Variants in MPDZ observed in about 807,000 individuals in gnomAD.
The protein encoded by MPDZ is multiple PDZ domain crumbs cell polarity complex component.
Under a neutral mutation model 239.1 loss-of-function variants are expected in MPDZ, and 234 were observed. That is an observed-to-expected ratio of 0.98 (90% CI 0.88 to 1.09). The LOEUF (loss-of-function observed/expected upper bound fraction) is 1.09. MPDZ is among the 50% of genes least tolerant of loss of function. The pLI, the probability that MPDZ is intolerant of heterozygous loss-of-function variation, is 0.00. For missense variants in MPDZ, 3,175 were observed against 2,510.0 expected, an observed-to-expected ratio of 1.26 and a Z score of -5.66; for synonymous variants, 1,048 against 881.3, an observed-to-expected ratio of 1.19 and a Z score of -3.35.
intron 13 of MPDZ, among the ~76,000 whole-genome samples, chr9:13,194,128 TTA>T (rs1397391711): frequency 5.3e-5 from 8 of 152,154 alleles, no homozygotes; most frequent in African/African-American, 1.9e-4. Context: ...ACTACTTCCC[TTA>T]TGATTTCATT....
chr9:13,133,486 G>A (rs1213573944), intron 32 of MPDZ, among the ~76,000 whole-genome samples: 1 of 152,136 alleles, frequency 6.6e-6, no homozygotes, highest in African/African-American at 2.4e-5. Context: ...CTCCGTAGCA[G>A]GACCTTAGTG....
chr9:13,237,227 G>C (rs1176685856), intron 3 of MPDZ, among the ~76,000 whole-genome samples: 1 of 151,732 alleles, frequency 6.6e-6, no homozygotes, highest in Non-Finnish European at 1.5e-5. Flanking sequence ...CAGATTGCTT[G>C]AGTCCAGGAG....
At chr9:13,279,113 G>A (rs10960999) in intron 1 of MPDZ, 7,012 of 151,850 alleles carry the variant, frequency 0.046, 351 homozygotes, top group East Asian at 0.18. Flanking sequence ...GGGGGGAGTG[G>A]AGACTTGCGA....
At chr9:13,146,525 T>C (rs1166835954) in intron 26 of MPDZ, among the ~76,000 whole-genome samples, 1 of 152,078 alleles carries the variant, frequency 6.6e-6, no homozygotes, top group Non-Finnish European at 1.5e-5. Flanking sequence ...CTCACATATG[T>C]TGATATTTTT....
chr9:13,123,620 C>A (rs1173258156), intron 35 of MPDZ, among the ~76,000 whole-genome samples: 2 of 152,042 alleles, frequency 1.3e-5, no homozygotes, highest in Non-Finnish European at 2.9e-5. Context: ...TTAAATTGAA[C>A]CTCAAGTTTC....
chr9:13,133,757 C>A, intron 32 of MPDZ, 67 bp downstream of exon 32: 3 of 1,140,040 alleles, frequency 2.6e-6, no homozygotes, highest in Non-Finnish European at 3.9e-6. Flanking sequence ...CTTTTGAGAA[C>A]ACAGTGAATT....
chr9:13,194,151 C>A (rs915275119), intron 13 of MPDZ, among the ~76,000 whole-genome samples: 1 of 152,104 alleles, frequency 6.6e-6, no homozygotes, highest in Non-Finnish European at 1.5e-5. Context: ...TATGCTGTAT[C>A]GCTACATAGC....
chr9:13,226,579 G>A (rs1960683675), intron 3 of MPDZ, among the ~76,000 whole-genome samples: 1 of 151,954 alleles, frequency 6.6e-6, no homozygotes, highest in African/African-American at 2.4e-5. Context: ...ATTCAGGTGT[G>A]CCTAATCTCA....
At chr9:13,229,976 G>A (rs2136675644) in intron 3 of MPDZ, among the ~76,000 whole-genome samples, 1 of 151,642 alleles carries the variant, frequency 6.6e-6, no homozygotes, top group Non-Finnish European at 1.5e-5. Flanking sequence ...AATATATAAA[G>A]AAAACTCAAA....
intron 13 of MPDZ, among the ~76,000 whole-genome samples, chr9:13,194,789 A>G (rs1011088654): frequency 2.6e-5 from 4 of 152,084 alleles, no homozygotes; most frequent in African/African-American, 9.7e-5. Flanking sequence ...TCATTATTCA[A>G]TTACCACCCG....
intron 3 of MPDZ, among the ~76,000 whole-genome samples, chr9:13,240,759 T>C (rs1165671096): frequency 6.6e-6 from 1 of 151,974 alleles, no homozygotes; most frequent in African/African-American, 2.4e-5. Context: ...ATGGACTAGT[T>C]AAATGAGGCA....
At chr9:13,146,188 T>C (rs1298070593) in intron 26 of MPDZ, among the ~76,000 whole-genome samples, 1 of 152,018 alleles carries the variant, frequency 6.6e-6, no homozygotes, top group Non-Finnish European at 1.5e-5. Context: ...GATGTTGAAG[T>C]GCTTACATTA....
chr9:13,124,457 C>G (rs532697121), intron 35 of MPDZ, among the ~76,000 whole-genome samples: 1 of 152,146 alleles, frequency 6.6e-6, no homozygotes, highest in Non-Finnish European at 1.5e-5. Flanking sequence ...CCCTCCACCC[C>G]CCGTTACAGA....
In MPDZ at chr9:13,174,952, C is replaced by T. The variant is rs79455574; in HGVS notation, c.3055+800G>A. 4.6e-3 allele frequency among the ~76,000 whole-genome samples: 697 copies of T among 152,276 alleles called. 4 individuals are homozygous for T. The highest frequency in any genetic ancestry group is 0.016 in the African/African-American group (671 of 41,558). The stretch of plus-strand genomic sequence containing the variant: ...CAAATCTCAAAACTTAACAAGGAAA[C>T]AAGACCCTGCCATAAGACGTCAGTG... On this transcript the variant is annotated intron_variant, in intron 21 of 46. Transcript: ENST00000319217.
At chr9:13,132,595 A>G (rs192496919) in intron 32 of MPDZ, among the ~76,000 whole-genome samples, 1 of 152,362 alleles carries the variant, frequency 6.6e-6, no homozygotes, top group African/African-American at 2.4e-5. Flanking sequence ...ATACCAGCTT[A>G]TTCATTCCTA....
intron 14 of MPDZ, among the ~76,000 whole-genome samples, chr9:13,192,923 CAA>C (rs1331904968): frequency 1.3e-5 from 2 of 152,044 alleles, no homozygotes; most frequent in African/African-American, 4.8e-5. Context: ...AAAAAAATTT[CAA>C]AGACTGTTTT....
intron 28 of MPDZ, among the ~76,000 whole-genome samples, chr9:13,138,631 A>G (rs377716573): frequency 1.1e-4 from 16 of 152,186 alleles, no homozygotes; most frequent in African/African-American, 3.9e-4. Context: ...GAGCTTTCTT[A>G]TTGCACAGAG....
intron 23 of MPDZ, among the ~76,000 whole-genome samples, chr9:13,159,061 T>C (rs1389480717): frequency 6.6e-6 from 1 of 152,170 alleles, no homozygotes; most frequent in Non-Finnish European, 1.5e-5. Flanking sequence ...AAAGAAAGTA[T>C]GTAAAATTAC....
At position 13,108,963 on chromosome 9, in the gene MPDZ, G is replaced by A; in HGVS notation, c.6039C>T (p.Pro2013=). The A allele has an allele frequency of 6.2e-7, 1 of 1,610,192 alleles. No individual in the cohort carries two copies. Among genetic ancestry groups the A allele is most frequent in the East Asian group, 2.2e-5 (1 of 44,720 alleles). ...TTGCAAACACTGTTTTAACATAAAT[G>A]GGTAAGTCTCCATGAGGGCTGCCAT... The part of the protein sequence containing the change: ...GGYGSPHGDL[P]IYVKTVFAKG... Residue 2013 remains proline, a synonymous_variant, in exon 46 of 47, where the codon CCC becomes CCT. Coordinates refer to ENST00000319217, the MANE Select transcript of MPDZ (RefSeq NM_001378778.1).
Sources: allele counts gnomAD v4.1 joint callset (sites outside exome capture counted in the v4.1 genomes callset), GRCh38; gene constraint gnomAD v4.1.1; transcripts MANE v1.5; gene names NCBI Gene and HGNC (gene_info 2026-07-23, HGNC 2026-07-21).